The following LDB1 variants were observed in gnomAD, a reference collection of about 807,000 sequenced individuals.
LDB1 encodes LIM domain-binding protein 1.
LDB1 carries 6 observed loss-of-function variants against 49.7 expected under a neutral mutation model. The ratio of observed to expected loss-of-function variants is 0.12; its 90% confidence interval spans 0.07 to 0.24. The LOEUF is 0.24. LDB1 is among the 10% of genes least tolerant of loss of function. LDB1 has a pLI of 1.00. For synonymous variants in LDB1, 233 were observed against 202.0 expected (o/e 1.15, Z -1.30); for missense variants, 341 against 561.7 (o/e 0.61, Z 3.97).
intron 1 of LDB1, chr10:102,114,271 G>A: frequency 1.1e-6 from 1 of 911,532 alleles, no homozygotes; most frequent in Non-Finnish European, 1.3e-6. Context: ...TTAGGGACTG[G>A]CCACAGGTCA....
intron 6 of LDB1, 127 bp from the exon 7 acceptor site, chr10:102,110,170 C>A (rs2068231272): frequency 1.9e-6 from 2 of 1,048,274 alleles, no homozygotes; most frequent in African/African-American, 1.6e-5. Context: ...CACATTAAAT[C>A]TGGGTGCATA....
chr10:102,116,502 A>T (rs2068338072), intron 1 of LDB1, among the ~76,000 whole-genome samples: 1 of 152,082 alleles, frequency 6.6e-6, no homozygotes, highest in South Asian at 2.1e-4. Context: ...ATATATCTCA[A>T]ATCCTAAATA....
chr10:102,109,695 GA>G lies in LDB1; in HGVS notation c.649-13del. ...TGGGGGTCTTGGGCCTAGAGTGGGAGAAAAGACAAGAAAGAACACTGACACC... is the reference window on the plus strand; with the variant it reads ...TGGGGGTCTTGGGCCTAGAGTGGGAGAAAGACAAGAAAGAACACTGACACC... On this transcript the variant is annotated splice_polypyrimidine_tract_variant and intron_variant, in intron 7 of 10. Coordinates refer to ENST00000673968, the MANE Select transcript of LDB1 (RefSeq NM_001113407.3). The surrounding 1 kb of genome is among the most constrained non-coding windows in gnomAD (Gnocchi z 5.8). The G allele has an allele frequency of 6.2e-7, 1 of 1,613,152 alleles. No individual in the cohort carries two copies. Among genetic ancestry groups the G allele is most frequent in the South Asian group, 1.1e-5 (1 of 90,998 alleles).
downstream of LDB1, among the ~76,000 whole-genome samples, chr10:102,102,347 G>T (rs987041599): frequency 6.6e-6 from 1 of 152,246 alleles, no homozygotes; most frequent in Non-Finnish European, 1.5e-5. Flanking sequence ...GAAAGGGAGA[G>T]AAATTAGCCT....
chr10:102,120,825 G>A (rs533681118), upstream of LDB1, among the ~76,000 whole-genome samples: 1 of 152,218 alleles, frequency 6.6e-6, no homozygotes, highest in Non-Finnish European at 1.5e-5. Flanking sequence ...AGGCGGAGCC[G>A]GGGTGGGCAG....
chr10:102,116,546 G>A lies in LDB1; in HGVS notation c.25+3540C>T, dbSNP rs560120928. Reference sequence around the variant, plus strand: ...TCCTGGATATATACACACACACACAGTCTAAGTCATACACACTGGGACCTA... The same window carrying A: ...TCCTGGATATATACACACACACACAATCTAAGTCATACACACTGGGACCTA... On this transcript the variant is annotated intron_variant, in intron 1 of 10. Transcript: ENST00000673968. Among the ~76,000 whole-genome samples, 5 of 152,064 alleles carry A rather than the reference G, an allele frequency of 3.3e-5. No homozygotes were observed. In the South Asian group the frequency reaches 1.0e-3, roughly 32 times the overall value.
At chr10:102,103,967 G>C (rs1471685221), downstream of LDB1, among the ~76,000 whole-genome samples, 5 of 151,668 alleles carry the variant, frequency 3.3e-5, no homozygotes, top group Admixed American at 2.0e-4. Flanking sequence ...TACTTGGGAC[G>C]CATGAGAATC....
At position 102,109,115 on chromosome 10, in the gene LDB1, T is replaced by G; in HGVS notation, c.919A>C (p.Met307Leu). The G allele has an allele frequency of 6.2e-7, 1 of 1,614,176 alleles. No homozygotes were observed. Among genetic ancestry groups the G allele is most frequent in the Non-Finnish European group, 8.5e-7 (1 of 1,180,032 alleles). ...RKRKMSGGST[M>L]SSGGGNTNNS... ...TTGGTGTTGCCACCACCAGAGCTCATGGTGCTGCCCCCTGACATCTTCCGT... is the reference window on the plus strand; with the variant it reads ...TTGGTGTTGCCACCACCAGAGCTCAGGGTGCTGCCCCCTGACATCTTCCGT... The change falls in exon 10 of 11, where the codon ATG becomes CTG. Residue 307 changes from methionine (M) to leucine (L), a missense_variant. Met to Leu is a conservative substitution (Grantham distance 15). This residue lies in a region of LDB1 where 233 missense variants were observed against 385.7 expected (regional missense o/e 0.60). Coordinates refer to ENST00000673968, the MANE Select transcript of LDB1 (RefSeq NM_001113407.3). The surrounding 1 kb of genome is among the most constrained non-coding windows in gnomAD (Gnocchi z 5.8).
chr10:102,114,438 G>A, intron 1 of LDB1: 2 of 986,284 alleles, frequency 2.0e-6, no homozygotes, highest in Non-Finnish European at 2.4e-6. Context: ...GAGAGGTACG[G>A]GGGAGCGACT....
intron 1 of LDB1, among the ~76,000 whole-genome samples, chr10:102,114,236 T>G (rs1292219611): frequency 6.6e-6 from 1 of 152,154 alleles, no homozygotes; most frequent in African/African-American, 2.4e-5. Context: ...GTAACCAGGC[T>G]GACTCGAGGG....
chr10:102,115,170 C>CAGGAGAGACCTGGATGG (rs1446905724), intron 1 of LDB1, among the ~76,000 whole-genome samples: 6 of 152,084 alleles, frequency 3.9e-5, no homozygotes, highest in Admixed American at 3.9e-4. Flanking sequence ...CAGATTGGGC[C>CAGGAGAGACCTGGATGG]AGGAGAGACC....
intron 6 of LDB1, 168 bp downstream of exon 6, chr10:102,110,361 A>C: frequency 1.4e-6 from 1 of 713,600 alleles, no homozygotes; most frequent in Middle Eastern, 4.0e-4. Flanking sequence ...ACTATCCCAT[A>C]CAAACACAAT....
downstream of LDB1, among the ~76,000 whole-genome samples, chr10:102,105,592 A>C (rs1050294737): frequency 6.6e-6 from 1 of 151,906 alleles, no homozygotes; most frequent in Admixed American, 6.6e-5. Flanking sequence ...ATATCTTCCC[A>C]GTCTGGAGAG....
intron 1 of LDB1, among the ~76,000 whole-genome samples, chr10:102,113,778 AC>A (rs59843265): frequency 2.1e-4 from 31 of 150,366 alleles, no homozygotes; most frequent in African/African-American, 4.7e-4. Context: ...AAAAAAAAAA[AC>A]TCTCAGAGCC....
rs187627429 is a variant in LDB1, at chr10:102,117,504, C to T, written c.25+2582G>A. On this transcript the variant is annotated intron_variant, in intron 1 of 10. Transcript: ENST00000673968. This position sits in a 1 kb window ranked among gnomAD's most constrained non-coding sequence, Gnocchi z 4.2. ...GGGACTCAAAGGACAGCAGCCAGCCCCAGCCCACAGGATGAGGTACCAGCA... is the reference window on the plus strand; with the variant it reads ...GGGACTCAAAGGACAGCAGCCAGCCTCAGCCCACAGGATGAGGTACCAGCA... 7.5e-4 allele frequency among the ~76,000 whole-genome samples: 114 copies of T among 152,278 alleles called. No individual in the cohort carries two copies. Among genetic ancestry groups the T allele is most frequent in the Admixed American group, 2.0e-3 (30 of 15,306 alleles).
At chr10:102,119,997 C>T in intron 1 of LDB1, 89 bp downstream of exon 1, 1 of 1,070,180 alleles carries the variant, frequency 9.3e-7, no homozygotes, top group South Asian at 1.7e-5. Flanking sequence ...CATCGACGCC[C>T]CCCACACAAG....
At chr10:102,105,303 G>T (rs2068147390), downstream of LDB1, among the ~76,000 whole-genome samples, 1 of 152,142 alleles carries the variant, frequency 6.6e-6, no homozygotes, top group South Asian at 2.1e-4. Context: ...CTGAGGCACT[G>T]GGTTATGAGA....
Position 102,107,742 on chromosome 10 carries a change from A to G in LDB1, c.*351T>C, listed in dbSNP as rs2068184501. 2 of 333,930 alleles carry G rather than the reference A, an allele frequency of 6.0e-6. No homozygotes were observed. Among genetic ancestry groups the G allele is most frequent in the Admixed American group, 9.3e-5 (2 of 21,470 alleles). The allele number at this position is 333,930 out of a possible 1,614,324, so 20.7% of individuals were successfully genotyped here. A position where few individuals can be genotyped will look rare whatever the true frequency, so the allele number is the denominator to read the frequency against. ...AAGGGCTGTGGGTATAGACAACCCC[A>G]GGCTTGAAAGGGGTAAAGTCAGGGG... On this transcript the variant is annotated 3_prime_UTR_variant, in exon 11 of 11. Transcript: ENST00000673968.
chr10:102,109,761 G>A lies in LDB1; in HGVS notation c.649-78C>T. 6.5e-7 allele frequency: 1 copy of A among 1,545,968 alleles called. No homozygotes were observed. Among genetic ancestry groups the A allele is most frequent in the Non-Finnish European group, 8.9e-7 (1 of 1,119,354 alleles). The stretch of plus-strand genomic sequence containing the variant: ...TCACCTGCCCTATCATCTGAGCATT[G>A]TGACACTCCTGAGAGAGGATAGTCT... On this transcript the variant is annotated intron_variant, in intron 7 of 10. Coordinates refer to ENST00000673968, the MANE Select transcript of LDB1 (RefSeq NM_001113407.3). This position sits in a 1 kb window ranked among gnomAD's most constrained non-coding sequence, Gnocchi z 5.8.
Sources: allele counts gnomAD v4.1 joint callset (sites outside exome capture counted in the v4.1 genomes callset), GRCh38; gene constraint gnomAD v4.1.1; regional missense constraint gnomAD v4.1.1; non-coding constraint Gnocchi (gnomAD v3.1); transcripts MANE v1.5; gene names NCBI Gene and HGNC (gene_info 2026-07-23, HGNC 2026-07-21).